ADK: variants seen among roughly 807,000 people sequenced by gnomAD.
ADK encodes the protein N6,N6-dimethyladenosine kinase.
Under a neutral mutation model 44.7 loss-of-function variants are expected in ADK, and 24 were observed. The ratio of observed to expected loss-of-function variants is 0.54; its 90% CI spans 0.39 to 0.76. The LOEUF is 0.76. Ranked by LOEUF, ADK falls within the 30% of genes least tolerant of loss-of-function variation. ADK has a pLI of 0.00. For synonymous variants in ADK, 128 were observed against 142.6 expected (o/e 0.90, Z 0.73); for missense variants, 321 against 425.1 (o/e 0.76, Z 2.15).
rs1458584543 is a variant in ADK at position 74,652,815 on chromosome 10, T to C, written c.878-17368T>C. Among the ~76,000 whole-genome samples, 3 of 151,804 alleles carry C rather than the reference T, an allele frequency of 2.0e-5. No individual in the cohort carries two copies. The East Asian group carries it at 5.9e-4, about 30-fold the overall frequency. On this transcript the variant is annotated intron_variant, in intron 9 of 10. Transcript: ENST00000539909. ...ATGGAACCCAGTATGCTAGTATATA[T>C]TTAACAGTCAGCTCATAGCAAACCA...
At chr10:74,349,935 G>A (rs1019436743) in intron 4 of ADK, among the ~76,000 whole-genome samples, 29 of 152,116 alleles carry the variant, frequency 1.9e-4, no homozygotes, top group Non-Finnish European at 4.0e-4. Context: ...GACCTACAAA[G>A]ATACTTAGAC....
intron 7 of ADK, 82 bp downstream of exon 7, chr10:74,525,508 A>G: frequency 7.9e-7 from 1 of 1,266,788 alleles, no homozygotes; most frequent in Non-Finnish European, 1.1e-6. Flanking sequence ...GTTTAGAAAT[A>G]TATAAATTAA....
chr10:74,424,602 A>G (rs572857112), intron 6 of ADK, among the ~76,000 whole-genome samples: 3 of 150,980 alleles, frequency 2.0e-5, no homozygotes, highest in African/African-American at 2.4e-5. Flanking sequence ...GAGGGTAACC[A>G]TTATCCTAAA....
chr10:74,601,211 ATATAAT>A (rs1277781128), intron 9 of ADK, among the ~76,000 whole-genome samples: 1 of 152,092 alleles, frequency 6.6e-6, no homozygotes, highest in African/African-American at 2.4e-5. Flanking sequence ...ACAAAGTAAA[ATATAAT>A]TATAGTTCTT....
intron 4 of ADK, among the ~76,000 whole-genome samples, chr10:74,365,242 A>G (rs1842462035): frequency 6.6e-6 from 1 of 152,178 alleles, no homozygotes; most frequent in Non-Finnish European, 1.5e-5. Context: ...TCATCACCCC[A>G]AAGGGAAACT....
chr10:74,643,645 T>A (rs1425364066), intron 9 of ADK, among the ~76,000 whole-genome samples: 1 of 152,246 alleles, frequency 6.6e-6, no homozygotes, highest in East Asian at 1.9e-4. Context: ...AATTTCCTGC[T>A]TGCCTCTTTG....
At chr10:74,199,165 C>G (rs1437975880) in intron 1 of ADK, among the ~76,000 whole-genome samples, 1 of 152,174 alleles carries the variant, frequency 6.6e-6, no homozygotes, top group East Asian at 1.9e-4. Context: ...AGGGCTCTTG[C>G]TTGTACTCTT....
intron 7 of ADK, among the ~76,000 whole-genome samples, chr10:74,542,360 A>G (rs1451272016): frequency 2.0e-5 from 3 of 152,246 alleles, no homozygotes; most frequent in Non-Finnish European, 4.4e-5. Context: ...GTTTTGGAGC[A>G]ATTTGTTACA....
intron 3 of ADK, among the ~76,000 whole-genome samples, chr10:74,304,716 G>A (rs1840187663): frequency 6.6e-6 from 1 of 152,172 alleles, no homozygotes; most frequent in African/African-American, 2.4e-5. Context: ...TTGGTAGTGT[G>A]CATGTTCTTA....
intron 6 of ADK, among the ~76,000 whole-genome samples, chr10:74,522,979 C>CA (rs989664371): frequency 1.1e-4 from 17 of 152,012 alleles, no homozygotes; most frequent in Non-Finnish European, 2.2e-4. Context: ...CCCTTCCCCG[C>CA]AAAAAAGCGT....
chr10:74,609,506 C>T (rs1329040471), intron 9 of ADK, among the ~76,000 whole-genome samples: 2 of 152,158 alleles, frequency 1.3e-5, no homozygotes, highest in South Asian at 2.1e-4. Flanking sequence ...TTCTCGACCC[C>T]TTGCACTTCC....
At chr10:74,479,375 A>G (rs908813269) in intron 6 of ADK, among the ~76,000 whole-genome samples, 14 of 139,464 alleles carry the variant, frequency 1.0e-4, no homozygotes, top group Admixed American at 2.8e-4. Context: ...TATCTCTTTT[A>G]GCCACTTTGT....
intron 4 of ADK, among the ~76,000 whole-genome samples, chr10:74,346,802 G>A (rs972760405): frequency 5.3e-5 from 8 of 151,968 alleles, no homozygotes; most frequent in African/African-American, 1.9e-4. Flanking sequence ...AAAGACAACT[G>A]GTGAAGAGAA....
intron 5 of ADK, among the ~76,000 whole-genome samples, chr10:74,395,142 A>G (rs1843463220): frequency 6.6e-6 from 1 of 152,010 alleles, no homozygotes; most frequent in South Asian, 2.1e-4. Context: ...TTCACTAGAA[A>G]TTTTGCATTA....
intron 4 of ADK, among the ~76,000 whole-genome samples, chr10:74,320,144 G>A (rs1469036584): frequency 6.6e-6 from 1 of 152,118 alleles, no homozygotes; most frequent in Non-Finnish European, 1.5e-5. Flanking sequence ...TTTGTGTAGG[G>A]CAGGTCTATT....
chr10:74,515,371 G>A (rs1272841549), intron 6 of ADK, among the ~76,000 whole-genome samples: 2 of 152,112 alleles, frequency 1.3e-5, no homozygotes, highest in East Asian at 3.9e-4. Flanking sequence ...GCACATAGTA[G>A]GTCAGCCAAC....
chr10:74,404,911 T>A (rs7906603), intron 6 of ADK, among the ~76,000 whole-genome samples: 5 of 151,934 alleles, frequency 3.3e-5, no homozygotes, highest in Non-Finnish European at 5.9e-5. Context: ...TTTCTTGTGC[T>A]TGGGTTTTGT....
intron 4 of ADK, among the ~76,000 whole-genome samples, chr10:74,341,564 A>G (rs937636237): frequency 6.6e-6 from 1 of 151,824 alleles, no homozygotes; most frequent in African/African-American, 2.4e-5. Flanking sequence ...GCAATCATTA[A>G]CTTACTTCTT....
intron 4 of ADK, among the ~76,000 whole-genome samples, chr10:74,349,134 G>T (rs1592082179): frequency 6.6e-6 from 1 of 152,090 alleles, no homozygotes; most frequent in Non-Finnish European, 1.5e-5. Context: ...AGGTTGAAAT[G>T]AAGGAAAAAA....
Sources: allele counts gnomAD v4.1 joint callset (sites outside exome capture counted in the v4.1 genomes callset), GRCh38; gene constraint gnomAD v4.1.1; transcripts MANE v1.5; gene names NCBI Gene and HGNC (gene_info 2026-07-23, HGNC 2026-07-21).